AKAP6: variants seen among roughly 807,000 people sequenced by gnomAD.
AKAP6 encodes the protein A-kinase anchoring protein 6.
Under a neutral mutation model 188.5 loss-of-function variants are expected in AKAP6, and 58 were observed. The observed-to-expected ratio is 0.31, with a 90% CI of 0.25 to 0.38. The LOEUF is 0.38. Ranked by LOEUF, AKAP6 falls within the 10% of genes least tolerant of loss-of-function variation. The pLI is 1.00. For synonymous variants in AKAP6, 989 were observed against 998.6 expected, an observed-to-expected ratio of 0.99 and a Z score of 0.18; for missense variants, 2,710 against 2,740.0, an observed-to-expected ratio of 0.99 and a Z score of 0.24.
intron 13 of AKAP6, among the ~76,000 whole-genome samples, chr14:32,825,975 A>ATTT (rs2034663178): frequency 2.0e-5 from 3 of 152,258 alleles, no homozygotes; most frequent in Non-Finnish European, 4.4e-5. Context: ...CATTTATTAC[A>ATTT]AATACATCTT....
intron 2 of AKAP6, among the ~76,000 whole-genome samples, chr14:32,526,570 G>T (rs991151205): frequency 6.6e-6 from 1 of 151,918 alleles, no homozygotes; most frequent in African/African-American, 2.4e-5. Context: ...TGTAGAGATG[G>T]GTTTTTGCCA....
chr14:32,832,302 T>A lies in AKAP6; in HGVS notation c.*2497T>A, dbSNP rs985382550. The A allele has an allele frequency of 5.3e-5, 8 of 152,090 alleles. No homozygotes were observed. The highest frequency in any genetic ancestry group is 1.9e-4 in the African/African-American group (8 of 41,392). The allele number at this position is 152,090 out of a possible 1,614,324, so 9.4% of individuals were successfully genotyped here. On this transcript the variant is annotated 3_prime_UTR_variant, in exon 14 of 14. Transcript: ENST00000280979. ...GGCATTCTAGACCTCTGTTGGGATA[T>A]GGTATTATTTTACATACTGACACAA...
intron 2 of AKAP6, among the ~76,000 whole-genome samples, chr14:32,497,695 T>C (rs10136639): frequency 6.6e-6 from 1 of 151,896 alleles, no homozygotes; most frequent in Non-Finnish European, 1.5e-5. Flanking sequence ...ATTTTATATA[T>C]ATATATATTT....
At chr14:32,526,093 C>T (rs1055382473) in intron 2 of AKAP6, among the ~76,000 whole-genome samples, 28 of 152,138 alleles carry the variant, frequency 1.8e-4, no homozygotes, top group Admixed American at 1.1e-3. Context: ...GAGACAGGGT[C>T]TCACTCTATT....
chr14:32,697,528 A>G lies in AKAP6; in HGVS notation c.3000+1418A>G, dbSNP rs183216451. On this transcript the variant is annotated intron_variant, in intron 9 of 13. Transcript: ENST00000280979. Reference sequence around the variant, plus strand: ...TATGAAAACGTGCATATAAATCTCTATTAATTTAGTGATAGAAAAATATTT... The same window carrying G: ...TATGAAAACGTGCATATAAATCTCTGTTAATTTAGTGATAGAAAAATATTT... Among the ~76,000 whole-genome samples the G allele has an allele frequency of 1.7e-4, 26 of 152,348 alleles. No individual in the cohort carries two copies. The East Asian group carries it at 4.8e-3, about 28-fold the overall frequency.
intron 2 of AKAP6, among the ~76,000 whole-genome samples, chr14:32,437,904 G>T (rs11628736): frequency 0.079 from 12,085 of 152,054 alleles, 639 homozygotes; most frequent in South Asian, 0.22. Context: ...TTTTTTAATG[G>T]TTCTTATCAC....
At chr14:32,428,662 G>A (rs573431111) in intron 1 of AKAP6, among the ~76,000 whole-genome samples, 64 of 152,252 alleles carry the variant, frequency 4.2e-4, no homozygotes, top group African/African-American at 1.5e-3. Flanking sequence ...CTTTGATGGC[G>A]ATGTAGCTGA....
In AKAP6 at chr14:32,647,202, A is replaced by G. The variant is rs78728923; in HGVS notation, c.2731-31109A>G. Among the ~76,000 whole-genome samples the G allele has an allele frequency of 9.1e-3, 1,383 of 152,222 alleles. 21 individuals are homozygous for G. The highest frequency in any genetic ancestry group is 0.032 in the African/African-American group (1,325 of 41,574). On this transcript the variant is annotated intron_variant, in intron 7 of 13. Transcript: ENST00000280979. ...ATGAAATGTGACAATTTCCAAGTAT[A>G]TATTAGCTCAGGCCAACATCCCTTA... is the stretch of plus-strand genomic sequence containing the variant.
chr14:32,703,947 G>A (rs541134583), intron 9 of AKAP6, among the ~76,000 whole-genome samples: 21 of 152,260 alleles, frequency 1.4e-4, no homozygotes, highest in Middle Eastern at 3.4e-3. Flanking sequence ...ATCATTTCTT[G>A]TTAGCCTAGA....
chr14:32,347,182 AG>A (rs1456597201), intron 1 of AKAP6, among the ~76,000 whole-genome samples: 3 of 152,246 alleles, frequency 2.0e-5, no homozygotes, highest in Admixed American at 1.3e-4. Context: ...CAATGGTTGG[AG>A]ACAAGGACAG....
At chr14:32,803,896 A>G (rs940881817) in intron 12 of AKAP6, among the ~76,000 whole-genome samples, 3 of 152,114 alleles carry the variant, frequency 2.0e-5, no homozygotes, top group Non-Finnish European at 4.4e-5. Context: ...AGATAGCACA[A>G]TCTCTTCAAT....
At chr14:32,506,895 A>G (rs1168526408) in intron 2 of AKAP6, among the ~76,000 whole-genome samples, 2 of 152,174 alleles carry the variant, frequency 1.3e-5, no homozygotes, top group Admixed American at 1.3e-4. Flanking sequence ...GTGCATGTAT[A>G]ATTATACACA....
intron 1 of AKAP6, among the ~76,000 whole-genome samples, chr14:32,381,972 G>T (rs1022036795): frequency 6.6e-6 from 1 of 151,888 alleles, no homozygotes; most frequent in Non-Finnish European, 1.5e-5. Flanking sequence ...TGAAAATTTC[G>T]GCCTGTTCAT....
At chr14:32,381,214 C>T (rs1005117395) in intron 1 of AKAP6, among the ~76,000 whole-genome samples, 19 of 152,010 alleles carry the variant, frequency 1.2e-4, no homozygotes, top group African/African-American at 2.2e-4. Context: ...GTGGCACACG[C>T]GTGTAATCCC....
intron 4 of AKAP6, among the ~76,000 whole-genome samples, chr14:32,556,660 CCTT>C (rs1329343274): frequency 6.6e-6 from 1 of 152,118 alleles, no homozygotes; most frequent in African/African-American, 2.4e-5. Context: ...ACTATTAACA[CCTT>C]ATTATATGTA....
intron 5 of AKAP6, among the ~76,000 whole-genome samples, chr14:32,589,628 C>G (rs1030527434): frequency 2.0e-5 from 3 of 152,058 alleles, no homozygotes; most frequent in African/African-American, 7.2e-5. Flanking sequence ...GTACTTTTTG[C>G]CTGTCTCAGT....
At position 32,766,618 on chromosome 14, in the gene AKAP6, A is replaced by G. The variant is rs1358824823; in HGVS notation, c.3373-7060A>G. Among the ~76,000 whole-genome samples, 6 of 151,902 alleles carry G rather than the reference A, an allele frequency of 3.9e-5. No individual in the cohort carries two copies. The South Asian group carries it at 1.0e-3, about 26-fold the overall frequency. On this transcript the variant is annotated intron_variant, in intron 11 of 13. Transcript: ENST00000280979. ...CTGATTGTGTTGAGCCTTTTTTCAT[A>G]TTTTTTTGCCATTTGTATGTGTTTG...
chr14:32,436,981 T>C (rs887094563), intron 2 of AKAP6, among the ~76,000 whole-genome samples: 2 of 152,182 alleles, frequency 1.3e-5, no homozygotes, highest in Non-Finnish European at 2.9e-5. Context: ...TTGCTTCCTA[T>C]TGGACTTACA....
intron 1 of AKAP6, among the ~76,000 whole-genome samples, chr14:32,415,299 G>T (rs1889620787): frequency 1.3e-5 from 2 of 152,064 alleles, no homozygotes; most frequent in South Asian, 4.1e-4. Context: ...CAGTATTTGG[G>T]AATTATCTTT....
Sources: gnomAD v4.1 joint callset for allele counts (sites outside exome capture counted in the v4.1 genomes callset) on GRCh38, gnomAD v4.1.1 for gene constraint, MANE v1.5 for transcripts, NCBI Gene and HGNC (gene_info 2026-07-23, HGNC 2026-07-21) for gene names.